The following MAGI2 variants were observed in gnomAD, a reference collection of about 807,000 sequenced individuals.
MAGI2 encodes membrane associated guanylate kinase, WW and PDZ domain containing 2, also known as membrane-associated guanylate kinase, WW and PDZ domain-containing protein 2.
In MAGI2, 35 loss-of-function variants were observed where a neutral mutation model predicts 133.3. That is an observed-to-expected ratio of 0.26 (90% CI 0.20 to 0.35). The LOEUF is 0.35. MAGI2 is among the 10% of genes least tolerant of loss of function. MAGI2 has a pLI of 1.00. For missense variants in MAGI2, 1,636 were observed against 1,863.4 expected (o/e 0.88, Z 2.25); for synonymous variants, 729 against 710.6 (o/e 1.03, Z -0.41).
intron 1 of MAGI2, among the ~76,000 whole-genome samples, chr7:79,029,555 A>G (rs1223017930): frequency 6.6e-6 from 1 of 152,118 alleles, no homozygotes; most frequent in Non-Finnish European, 1.5e-5. Context: ...CAAGTGAGAG[A>G]GGATATCATT....
chr7:78,297,186 A>G (rs1258279478), intron 9 of MAGI2, among the ~76,000 whole-genome samples: 1 of 152,228 alleles, frequency 6.6e-6, no homozygotes, highest in Non-Finnish European at 1.5e-5. Flanking sequence ...AAGGGAGGAC[A>G]AAGAGCAACT....
intron 6 of MAGI2, among the ~76,000 whole-genome samples, chr7:78,431,074 CTGTGTGTGTGTGTG>C (rs147567944): frequency 1.0e-3 from 149 of 146,514 alleles, no homozygotes; most frequent in African/African-American, 3.3e-3. Context: ...GTGAGGTAGG[CTGTGTGTGTGTGTG>C]TGTGTGTGTG....
chr7:78,600,552 C>G (rs1157631786), intron 3 of MAGI2, among the ~76,000 whole-genome samples: 2 of 152,024 alleles, frequency 1.3e-5, no homozygotes, highest in Non-Finnish European at 2.9e-5. Context: ...ATTATCGATG[C>G]ATTTGGGAAA....
chr7:78,844,115 G>T (rs1792382757), intron 2 of MAGI2, among the ~76,000 whole-genome samples: 1 of 150,900 alleles, frequency 6.6e-6, no homozygotes, highest in African/African-American at 2.4e-5. Flanking sequence ...AGGCAAAAGA[G>T]ATTGGAAAAA....
At chr7:78,759,244 A>G (rs2151295411) in intron 2 of MAGI2, among the ~76,000 whole-genome samples, 2 of 152,306 alleles carry the variant, frequency 1.3e-5, no homozygotes, top group South Asian at 4.1e-4. Context: ...TTATTTTAAT[A>G]TTACACTAGA....
At chr7:78,020,634 G>C (rs1178800406) in intron 21 of MAGI2, among the ~76,000 whole-genome samples, 1 of 151,982 alleles carries the variant, frequency 6.6e-6, no homozygotes, top group African/African-American at 2.4e-5. Context: ...AATTTGTGTT[G>C]GGTCACATTC....
chr7:78,261,501 A>C (rs1793515183), intron 9 of MAGI2, among the ~76,000 whole-genome samples: 1 of 152,144 alleles, frequency 6.6e-6, no homozygotes, highest in Admixed American at 6.6e-5. Context: ...TACACTATAT[A>C]CAGAGCATCA....
At chr7:79,067,076 G>A (rs542245664) in intron 1 of MAGI2, among the ~76,000 whole-genome samples, 1 of 152,242 alleles carries the variant, frequency 6.6e-6, no homozygotes, top group South Asian at 2.1e-4. Context: ...GATTAGGATT[G>A]TCTTGGATAT....
intron 9 of MAGI2, among the ~76,000 whole-genome samples, chr7:78,336,503 G>C (rs1274843050): frequency 6.6e-6 from 1 of 152,124 alleles, no homozygotes; most frequent in African/African-American, 2.4e-5. Context: ...CAGGAGCCTT[G>C]CTTCAGGCCA....
chr7:78,549,513 A>G (rs1436245178), intron 3 of MAGI2, among the ~76,000 whole-genome samples: 1 of 152,094 alleles, frequency 6.6e-6, no homozygotes, highest in African/African-American at 2.4e-5. Flanking sequence ...ATCACCTACT[A>G]TAAAGCCAAA....
intron 9 of MAGI2, among the ~76,000 whole-genome samples, chr7:78,267,579 T>C (rs1269919213): frequency 1.3e-5 from 2 of 152,190 alleles, no homozygotes; most frequent in African/African-American, 4.8e-5. Context: ...CTCAAACACA[T>C]GGCAAAAAGG....
chr7:78,724,760 G>T (rs1820603031), intron 2 of MAGI2, among the ~76,000 whole-genome samples: 1 of 151,552 alleles, frequency 6.6e-6, no homozygotes, highest in Non-Finnish European at 1.5e-5. Flanking sequence ...CACACTTCCA[G>T]CTGGTCCAAG....
intron 2 of MAGI2, among the ~76,000 whole-genome samples, chr7:78,634,194 G>T (rs973818346): frequency 6.6e-6 from 1 of 152,210 alleles, no homozygotes; most frequent in Non-Finnish European, 1.5e-5. Flanking sequence ...GTAAGATGTA[G>T]TACACAGTGG....
At chr7:78,288,285 TTAAA>T (rs1172524743) in intron 9 of MAGI2, among the ~76,000 whole-genome samples, 25 of 152,320 alleles carry the variant, frequency 1.6e-4, no homozygotes, top group African/African-American at 5.1e-4. Flanking sequence ...AAAATAATAT[TTAAA>T]TAATAAAATC....
intron 3 of MAGI2, chr7:78,618,528 T>A (rs1295284391): frequency 6.6e-6 from 1 of 151,910 alleles, no homozygotes; most frequent in Non-Finnish European, 1.5e-5. Flanking sequence ...TAAGTAAAAT[T>A]TTTGAAGTCA....
chr7:79,136,077 GA>G, intron 1 of MAGI2, among the ~76,000 whole-genome samples: 1 of 85,566 alleles, frequency 1.2e-5, no homozygotes, highest in Non-Finnish European at 2.4e-5. Context: ...AGGAAAGAAA[GA>G]AAGAAAGAAA....
intron 1 of MAGI2, among the ~76,000 whole-genome samples, chr7:79,189,463 A>G (rs1016348863): frequency 6.6e-6 from 1 of 151,784 alleles, no homozygotes; most frequent in Non-Finnish European, 1.5e-5. Flanking sequence ...TTTTTAAAAA[A>G]TTGATAGACT....
chr7:78,493,417 C>T (rs1793801403), intron 5 of MAGI2, among the ~76,000 whole-genome samples: 1 of 152,192 alleles, frequency 6.6e-6, no homozygotes, highest in Non-Finnish European at 1.5e-5. Flanking sequence ...CGATTGTCTA[C>T]TGTGTCAGGG....
At chr7:79,262,720 TA>T (rs1272153102) in intron 1 of MAGI2, among the ~76,000 whole-genome samples, 2 of 152,200 alleles carry the variant, frequency 1.3e-5, no homozygotes, top group African/African-American at 4.8e-5. Flanking sequence ...GTGACATGCA[TA>T]ACTTACACAC....
Sources: gnomAD v4.1 joint callset for allele counts (sites outside exome capture counted in the v4.1 genomes callset) on GRCh38, gnomAD v4.1.1 for gene constraint, MANE v1.5 for transcripts, NCBI Gene and HGNC (gene_info 2026-07-23, HGNC 2026-07-21) for gene names.